The following CHCHD6 variants were observed in gnomAD, a reference collection of about 807,000 sequenced individuals.
The protein encoded by CHCHD6 is MICOS complex subunit MIC25.
CHCHD6 carries 28 observed loss-of-function variants against 32.3 expected under a neutral mutation model. The ratio of observed to expected loss-of-function variants is 0.87; its 90% CI spans 0.64 to 1.19. CHCHD6 has a LOEUF of 1.19. CHCHD6 is among the 50% of genes most tolerant of loss of function. The pLI is 0.00. For missense variants in CHCHD6, 333 were observed against 307.0 expected (o/e 1.08, Z -0.63); for synonymous variants, 122 against 117.5 (o/e 1.04, Z -0.25).
At chr3:126,930,607 A>G (rs1046755106) in intron 6 of CHCHD6, among the ~76,000 whole-genome samples, 2 of 152,218 alleles carry the variant, frequency 1.3e-5, no homozygotes, top group Non-Finnish European at 2.9e-5. Context: ...ACCTAAAGTC[A>G]AATCCTGGCT....
intron 5 of CHCHD6, among the ~76,000 whole-genome samples, chr3:126,910,687 C>T (rs991314547): frequency 1.1e-4 from 16 of 152,220 alleles, no homozygotes; most frequent in African/African-American, 3.9e-4. Flanking sequence ...GAAACAACCT[C>T]TGTACAAGGA....
chr3:126,960,124 G>A, intron 7 of CHCHD6, 72 bp from the exon 8 acceptor site: 1 of 1,544,858 alleles, frequency 6.5e-7, no homozygotes, highest in Non-Finnish European at 8.8e-7. Context: ...GCTGTCACAG[G>A]GCGATCTGCA....
chr3:126,829,714 T>C (rs1432632695), intron 4 of CHCHD6, among the ~76,000 whole-genome samples: 1 of 152,162 alleles, frequency 6.6e-6, no homozygotes, highest in Non-Finnish European at 1.5e-5. Context: ...AGAAGGTGGC[T>C]GTCTGCAAGT....
At chr3:126,769,915 G>A (rs1210487227) in intron 4 of CHCHD6, among the ~76,000 whole-genome samples, 1 of 152,134 alleles carries the variant, frequency 6.6e-6, no homozygotes, top group East Asian at 1.9e-4. Context: ...TCTGTAAATT[G>A]CTTTGTGCTG....
chr3:126,927,982 C>T (rs1409130681), intron 6 of CHCHD6, among the ~76,000 whole-genome samples: 1 of 152,214 alleles, frequency 6.6e-6, no homozygotes, highest in Non-Finnish European at 1.5e-5. Flanking sequence ...TGCAAGATGC[C>T]CCATGTGGTG....
At chr3:126,920,966 AT>A (rs199791349) in intron 6 of CHCHD6, among the ~76,000 whole-genome samples, 29 of 151,150 alleles carry the variant, frequency 1.9e-4, no homozygotes, top group African/African-American at 6.6e-4. Context: ...TTCCAACTTA[AT>A]TTTTTTTTCC....
chr3:126,954,755 T>C (rs1284315086), intron 6 of CHCHD6, among the ~76,000 whole-genome samples: 1 of 152,138 alleles, frequency 6.6e-6, no homozygotes, highest in Non-Finnish European at 1.5e-5. Flanking sequence ...ATGGAAGTCA[T>C]GCTCTGGGGT....
At chr3:126,933,701 A>G (rs1391045170) in intron 6 of CHCHD6, among the ~76,000 whole-genome samples, 1 of 152,154 alleles carries the variant, frequency 6.6e-6, no homozygotes, top group Non-Finnish European at 1.5e-5. Flanking sequence ...CTCCCACCAG[A>G]CCCACCTCCA....
chr3:126,816,138 C>A (rs960745289), intron 4 of CHCHD6, among the ~76,000 whole-genome samples: 13 of 152,088 alleles, frequency 8.5e-5, no homozygotes, highest in Non-Finnish European at 1.9e-4. Flanking sequence ...TTCTACGTGT[C>A]CATACCCACC....
chr3:126,709,813 T>C (rs1559796926), intron 1 of CHCHD6, among the ~76,000 whole-genome samples: 2 of 152,382 alleles, frequency 1.3e-5, no homozygotes, highest in Middle Eastern at 3.4e-3. Context: ...TCAGATCTTT[T>C]GCCAATTTTT....
In CHCHD6 at chr3:126,730,499, C is replaced by T. The variant is rs536672538; in HGVS notation, c.197-62C>T. 70 of 1,415,098 alleles carry T rather than the reference C, an allele frequency of 4.9e-5. No individual in the cohort carries two copies. In the East Asian group the frequency reaches 7.3e-4, roughly 15 times the overall value. The allele number at this position is 1,415,098 out of a possible 1,614,324, so 87.7% of individuals were successfully genotyped here. A position where few individuals can be genotyped will look rare whatever the true frequency, so the allele number is the denominator to read the frequency against. ...TGGGGGTCATTCCTCTCTGGGTGACCTCTGTGACTTCGTGGACCCTGGGGT... is the reference window on the plus strand; with the variant it reads ...TGGGGGTCATTCCTCTCTGGGTGACTTCTGTGACTTCGTGGACCCTGGGGT... On this transcript the variant is annotated intron_variant, in intron 2 of 7. Coordinates refer to ENST00000290913, the MANE Select transcript of CHCHD6 (RefSeq NM_032343.3).
intron 1 of CHCHD6, among the ~76,000 whole-genome samples, chr3:126,723,600 G>C (rs147806665): frequency 1.3e-5 from 2 of 152,054 alleles, no homozygotes; most frequent in Non-Finnish European, 2.9e-5. Flanking sequence ...TGTGTTTTCC[G>C]TGACAGTGTA....
intron 7 of CHCHD6, among the ~76,000 whole-genome samples, chr3:126,959,430 G>A (rs567937241): frequency 7.9e-5 from 12 of 152,246 alleles, no homozygotes; most frequent in Non-Finnish European, 1.8e-4. Context: ...TGTGTGAGAT[G>A]TGGCAAGTGC....
At chr3:126,883,407 C>T (rs78144339) in intron 5 of CHCHD6, among the ~76,000 whole-genome samples, 5,097 of 152,194 alleles carry the variant, frequency 0.033, 289 homozygotes, top group African/African-American at 0.12. Context: ...GAGATGGTGT[C>T]GCAATAGAAT....
In CHCHD6 at chr3:126,727,378, G is replaced by A. The variant is rs533031292; in HGVS notation, c.196+192G>A. Among the ~76,000 whole-genome samples, 8 of 152,284 alleles carry A rather than the reference G, an allele frequency of 5.3e-5. No homozygotes were observed. The South Asian group carries it at 1.2e-3, about 24-fold the overall frequency. On this transcript the variant is annotated intron_variant, in intron 2 of 7. Coordinates refer to ENST00000290913, the MANE Select transcript of CHCHD6 (RefSeq NM_032343.3). ...TGATGGGGCTGTCATCAGAGCTGCC[G>A]GGATTCGGGTCGGACCACCTTCCCT...
chr3:126,788,175 C>G (rs1396431878), intron 4 of CHCHD6, among the ~76,000 whole-genome samples: 2 of 152,112 alleles, frequency 1.3e-5, no homozygotes, highest in South Asian at 2.1e-4. Flanking sequence ...GGGATGAAGC[C>G]CACTTGATCA....
At chr3:126,781,724 A>T (rs1171281259) in intron 4 of CHCHD6, among the ~76,000 whole-genome samples, 1 of 152,130 alleles carries the variant, frequency 6.6e-6, no homozygotes, top group Non-Finnish European at 1.5e-5. Flanking sequence ...TTATCCCGGT[A>T]CCCAGCCCAT....
At chr3:126,737,539 G>A (rs939136637) in intron 4 of CHCHD6, among the ~76,000 whole-genome samples, 3 of 151,912 alleles carry the variant, frequency 2.0e-5, no homozygotes, top group Admixed American at 2.0e-4. Context: ...TTTATTAGGA[G>A]AATTAAACAT....
intron 5 of CHCHD6, among the ~76,000 whole-genome samples, chr3:126,873,402 A>G (rs1337786518): frequency 5.3e-5 from 8 of 152,144 alleles, no homozygotes; most frequent in African/African-American, 1.2e-4. Context: ...CCTCACCAAT[A>G]TCACCAGTGT....
Sources: allele counts gnomAD v4.1 joint callset (sites outside exome capture counted in the v4.1 genomes callset), GRCh38; gene constraint gnomAD v4.1.1; transcripts MANE v1.5; gene names NCBI Gene and HGNC (gene_info 2026-07-23, HGNC 2026-07-21).